The following ARID4A variants were observed in gnomAD, a reference collection of about 807,000 sequenced individuals.
ARID4A encodes the protein AT-rich interaction domain 4A.
Under a neutral mutation model 148.6 loss-of-function variants are expected in ARID4A, and 39 were observed. The observed-to-expected ratio is 0.26, with a 90% CI of 0.20 to 0.34. The LOEUF (loss-of-function observed/expected upper bound fraction) is 0.34, where lower values mean the gene tolerates loss of function less well. Ranked by LOEUF, ARID4A falls within the 10% of genes least tolerant of loss-of-function variation. The pLI, the probability that ARID4A is intolerant of heterozygous loss-of-function variation, is 1.00. For synonymous variants in ARID4A, 475 were observed against 481.2 expected (o/e 0.99, Z 0.17); for missense variants, 1,265 against 1,449.1 (o/e 0.87, Z 2.06).
intron 12 of ARID4A, among the ~76,000 whole-genome samples, chr14:58,346,081 GC>G (rs2034351118): frequency 6.6e-6 from 1 of 151,686 alleles, no homozygotes; most frequent in Admixed American, 6.6e-5. Context: ...GCCACACCAT[GC>G]AGTGTTTACT....
chr14:58,334,253 G>T (rs1204940767), intron 11 of ARID4A, among the ~76,000 whole-genome samples: 3 of 152,076 alleles, frequency 2.0e-5, no homozygotes, highest in Non-Finnish European at 4.4e-5. Flanking sequence ...AAAAATCTTG[G>T]ATTTGATAGC....
At chr14:58,332,050 T>TTG (rs2033559738) in intron 11 of ARID4A, among the ~76,000 whole-genome samples, 1 of 135,978 alleles carries the variant, frequency 7.4e-6, no homozygotes. Flanking sequence ...AAAAAGAGCT[T>TTG]TGTAGGAAGT....
At chr14:58,335,311 CT>C (rs71448948) in intron 11 of ARID4A, among the ~76,000 whole-genome samples, 1,396 of 137,538 alleles carry the variant, frequency 0.01, 10 homozygotes, top group South Asian at 0.024. Flanking sequence ...AGGATTTTAT[CT>C]TTTTTTTTTT....
chr14:58,358,987 C>A, intron 17 of ARID4A, 145 bp from the exon 18 acceptor site: 3 of 817,514 alleles, frequency 3.7e-6, no homozygotes, highest in Non-Finnish European at 3.7e-6. Context: ...AGCAAACCAG[C>A]CCCTGTGCCC....
At position 58,318,128 on chromosome 14, in the gene ARID4A, C is replaced by G. The variant is rs190263044; in HGVS notation, c.275-414C>G. Among the ~76,000 whole-genome samples, 889 of 152,166 alleles carry G rather than the reference C, an allele frequency of 5.8e-3. 6 individuals carry two copies. Among genetic ancestry groups the G allele is most frequent in the Non-Finnish European group, 8.6e-3 (582 of 68,018 alleles). On this transcript the variant is annotated intron_variant, in intron 5 of 23. Transcript: ENST00000355431. ...CAGTAGAATAATTCAATAGCAATACCAGGAGTCAGTTTCTGGAAGTTAGGG... is the reference window on the plus strand; with the variant it reads ...CAGTAGAATAATTCAATAGCAATACGAGGAGTCAGTTTCTGGAAGTTAGGG...
chr14:58,350,100 T>TAAAAAAAA (rs758927898), intron 15 of ARID4A, among the ~76,000 whole-genome samples: 1 of 83,802 alleles, frequency 1.2e-5, no homozygotes. Context: ...GACTCTGTCT[T>TAAAAAAAA]AAAAAAAAAA....
chr14:58,315,031 A>T (rs924587572), intron 5 of ARID4A, among the ~76,000 whole-genome samples: 4 of 152,228 alleles, frequency 2.6e-5, no homozygotes, highest in Non-Finnish European at 5.9e-5. Flanking sequence ...AGGCACGAGA[A>T]TCACTTGAAT....
At chr14:58,329,477 G>C (rs760947778) in intron 9 of ARID4A, 51 bp from the exon 10 acceptor site, 1 of 1,214,396 alleles carries the variant, frequency 8.2e-7, no homozygotes, top group East Asian at 2.3e-5. Context: ...CTATTTAAGT[G>C]ATAATTTTTA....
intron 23 of ARID4A, among the ~76,000 whole-genome samples, chr14:58,367,662 T>TA (rs1419877820): frequency 1.3e-5 from 2 of 152,190 alleles, no homozygotes; most frequent in Non-Finnish European, 2.9e-5. Context: ...GTGTCTGAGC[T>TA]AGCCCTTCGG....
intron 15 of ARID4A, 54 bp from the exon 16 acceptor site, chr14:58,351,019 C>CT (rs1215524481): frequency 2.0e-6 from 3 of 1,501,774 alleles, no homozygotes; most frequent in African/African-American, 1.4e-5. Context: ...TTTTTTCCTG[C>CT]TTTTTTCCCC....
At chr14:58,329,431 T>G in intron 9 of ARID4A, 97 bp from the exon 10 acceptor site, 1 of 784,718 alleles carries the variant, frequency 1.3e-6, no homozygotes, top group Non-Finnish European at 2.1e-6. Context: ...AATATTTTGA[T>G]TTTGAGGTTT....
At chr14:58,353,251 A>T (rs536655599) in intron 16 of ARID4A, among the ~76,000 whole-genome samples, 1 of 152,150 alleles carries the variant, frequency 6.6e-6, no homozygotes, top group South Asian at 2.1e-4. Context: ...ATTCTGAAGA[A>T]TTTTTTCAGA....
intron 5 of ARID4A, among the ~76,000 whole-genome samples, chr14:58,315,430 A>G (rs1217478247): frequency 6.6e-6 from 1 of 152,170 alleles, no homozygotes; most frequent in African/African-American, 2.4e-5. Flanking sequence ...TAGGGCTGCC[A>G]TTGATTAATG....
chr14:58,338,161 TAAAC>T (rs1276609027), intron 11 of ARID4A, among the ~76,000 whole-genome samples: 4 of 152,216 alleles, frequency 2.6e-5, no homozygotes, highest in East Asian at 1.9e-4. Context: ...GAGTAAATGA[TAAAC>T]AACAGCTGAG....
intron 20 of ARID4A, 96 bp from the exon 21 acceptor site, chr14:58,365,422 A>G: frequency 1.4e-6 from 2 of 1,409,344 alleles, no homozygotes; most frequent in Non-Finnish European, 1.9e-6. Flanking sequence ...TTTCTTATTA[A>G]AAAGAAAGAA....
chr14:58,330,477 A>T (rs1009019490), intron 11 of ARID4A, among the ~76,000 whole-genome samples: 1 of 152,194 alleles, frequency 6.6e-6, no homozygotes, highest in Non-Finnish European at 1.5e-5. Context: ...TAGGTATTTT[A>T]TATGTGTAAC....
chr14:58,305,408 A>G (rs1249765502), intron 4 of ARID4A, among the ~76,000 whole-genome samples: 5 of 152,078 alleles, frequency 3.3e-5, no homozygotes, highest in Admixed American at 6.6e-5. Flanking sequence ...TCCTAATTCA[A>G]TTTAATGAAT....
chr14:58,306,565 C>T (rs945702609), intron 5 of ARID4A, among the ~76,000 whole-genome samples: 41 of 152,128 alleles, frequency 2.7e-4, no homozygotes, highest in African/African-American at 9.4e-4. Flanking sequence ...ATTTTTGATA[C>T]AGTGTGGGTG....
intron 1 of ARID4A, 38 bp from the exon 2 acceptor site, chr14:58,299,760 C>A: frequency 6.4e-7 from 1 of 1,564,300 alleles, no homozygotes; most frequent in Middle Eastern, 1.7e-4. Context: ...CCGCAGTTGA[C>A]TGATTATGTC....
Sources: gnomAD v4.1 joint callset for allele counts (sites outside exome capture counted in the v4.1 genomes callset) on GRCh38, gnomAD v4.1.1 for gene constraint, MANE v1.5 for transcripts, NCBI Gene and HGNC (gene_info 2026-07-23, HGNC 2026-07-21) for gene names.